Variants in CPLANE1 observed in about 807,000 individuals in gnomAD.
The protein encoded by CPLANE1 is ciliogenesis and planar polarity effector complex subunit 1.
A neutral mutation model predicts 362.5 loss-of-function variants in CPLANE1; 263 were observed. The observed-to-expected ratio is 0.73, with a 90% CI of 0.66 to 0.80. The LOEUF (loss-of-function observed/expected upper bound fraction) is 0.80. CPLANE1 is among the 30% of genes least tolerant of loss of function. CPLANE1 has a pLI of 0.00. For missense variants in CPLANE1, 3,461 were observed against 3,793.4 expected (o/e 0.91, Z 2.30); for synonymous variants, 1,212 against 1,302.6 (o/e 0.93, Z 1.50).
At chr5:37,248,947 C>A (rs1740780121) in intron 1 of CPLANE1, among the ~76,000 whole-genome samples, 1 of 152,198 alleles carries the variant, frequency 6.6e-6, no homozygotes, top group Non-Finnish European at 1.5e-5. Flanking sequence ...GGGTCCGGTG[C>A]CGAGGTGTGG....
At chr5:37,186,504 A>C (rs1233572888) in intron 23 of CPLANE1, 110 bp from the exon 24 acceptor site, 1 of 628,636 alleles carries the variant, frequency 1.6e-6, no homozygotes, top group East Asian at 2.8e-5. Context: ...TTTCTTACTA[A>C]TCTTTTGAAG....
chr5:37,222,716 G>C (rs995899387), intron 14 of CPLANE1, among the ~76,000 whole-genome samples: 1 of 151,690 alleles, frequency 6.6e-6, no homozygotes, highest in Non-Finnish European at 1.5e-5. Flanking sequence ...CAATCCCCAA[G>C]TCAGAGAACT....
intron 21 of CPLANE1, among the ~76,000 whole-genome samples, chr5:37,193,741 T>C (rs1412402232): frequency 6.6e-6 from 1 of 152,076 alleles, no homozygotes; most frequent in African/African-American, 2.4e-5. Flanking sequence ...TTTTTGTTTT[T>C]GTTTTTGTTT....
chr5:37,079,035 T>C, the CPLANE1 span, among the ~76,000 whole-genome samples: 1 of 152,238 alleles, frequency 6.6e-6, no homozygotes, highest in Non-Finnish European at 1.5e-5. Flanking sequence ...TCTTTTGCTG[T>C]GCAGAAGCTC....
chr5:37,112,854 T>A (rs1759749759), intron 51 of CPLANE1, among the ~76,000 whole-genome samples: 1 of 152,152 alleles, frequency 6.6e-6, no homozygotes, highest in African/African-American at 2.4e-5. Context: ...TACCTACAGC[T>A]TTCTATGGGC....
At chr5:37,189,475 G>A (rs1300958942) in intron 21 of CPLANE1, among the ~76,000 whole-genome samples, 2 of 152,154 alleles carry the variant, frequency 1.3e-5, no homozygotes. Flanking sequence ...CATCATTACT[G>A]ACAGATGTGT....
At chr5:37,241,430 G>A (rs909147834) in intron 6 of CPLANE1, among the ~76,000 whole-genome samples, 23 of 152,138 alleles carry the variant, frequency 1.5e-4, no homozygotes, top group Middle Eastern at 3.4e-3. Flanking sequence ...ACTCCAACCT[G>A]GGAGACAGAG....
intron 51 of CPLANE1, among the ~76,000 whole-genome samples, chr5:37,111,410 G>C (rs1011735865): frequency 1.3e-5 from 2 of 152,204 alleles, no homozygotes; most frequent in Non-Finnish European, 2.9e-5. Flanking sequence ...ACAGGCGTGA[G>C]CCACCGTGCC....
At chr5:37,232,102 G>A (rs1433270387) in intron 8 of CPLANE1, among the ~76,000 whole-genome samples, 2 of 152,134 alleles carry the variant, frequency 1.3e-5, no homozygotes, top group Non-Finnish European at 2.9e-5. Context: ...AGCTGTAAGA[G>A]GAAATTCTCC....
At chr5:37,167,312 A>G in intron 34 of CPLANE1, 99 bp from the exon 35 acceptor site, 1 of 906,212 alleles carries the variant, frequency 1.1e-6, no homozygotes. Flanking sequence ...TTTAAATTAA[A>G]CTGTGCAACA....
intron 15 of CPLANE1, among the ~76,000 whole-genome samples, chr5:37,220,091 A>G (rs1417098054): frequency 6.6e-6 from 1 of 152,118 alleles, no homozygotes; most frequent in African/African-American, 2.4e-5. Flanking sequence ...CATCTCTACA[A>G]AAAAAACAAA....
chr5:37,201,245 G>A (rs1025476734), intron 19 of CPLANE1, among the ~76,000 whole-genome samples: 1 of 151,936 alleles, frequency 6.6e-6, no homozygotes, highest in African/African-American at 2.4e-5. Context: ...TTAAAAGTCT[G>A]GATATTAAGA....
At chr5:37,123,466 AAAAAC>A (rs1355632242) in intron 47 of CPLANE1, among the ~76,000 whole-genome samples, 1 of 152,232 alleles carries the variant, frequency 6.6e-6, no homozygotes, top group Non-Finnish European at 1.5e-5. Flanking sequence ...ATAGAAGTTA[AAAAAC>A]AAAACAAAAA....
Position 37,168,844 on chromosome 5 carries a change from T to C in CPLANE1, c.7180A>G (p.Arg2394Gly), listed in dbSNP as rs1778997954. 1 of 1,613,636 alleles carries C rather than the reference T, an allele frequency of 6.2e-7. No homozygotes were observed. Among genetic ancestry groups the C allele is most frequent in the Admixed American group, 1.7e-5 (1 of 59,824 alleles). Reference sequence around the variant, plus strand: ...AGTAATGACAATCTTGGGTATTTTCTTTCTTCTGCTATAGGTTGGATAGGT... The same window carrying C: ...AGTAATGACAATCTTGGGTATTTTCCTTCTTCTGCTATAGGTTGGATAGGT... Reference protein sequence around the residue: ...STPIQPIAEERKYPRLSLLHS... With the variant: ...STPIQPIAEEGKYPRLSLLHS... Residue 2394 changes from arginine (R) to glycine (G), a missense_variant, in exon 34 of 53, where the codon AGA becomes GGA. Arg to Gly is a moderately radical substitution (Grantham distance 125). Coordinates refer to ENST00000651892, the MANE Select transcript of CPLANE1 (RefSeq NM_001384732.1).
At chr5:37,197,383 A>G (rs1186486849) in intron 20 of CPLANE1, among the ~76,000 whole-genome samples, 4 of 152,160 alleles carry the variant, frequency 2.6e-5, no homozygotes, top group Non-Finnish European at 5.9e-5. Context: ...TACTACCAGG[A>G]TGGTACTAAG....
At chr5:37,231,892 A>G (rs1797804096) in intron 8 of CPLANE1, among the ~76,000 whole-genome samples, 1 of 152,184 alleles carries the variant, frequency 6.6e-6, no homozygotes, top group Non-Finnish European at 1.5e-5. Flanking sequence ...TCCTCAGAAA[A>G]TGACAGACAC....
At chr5:37,101,262 T>C (rs954679332), downstream of CPLANE1, among the ~76,000 whole-genome samples, 10 of 152,194 alleles carry the variant, frequency 6.6e-5, no homozygotes, top group African/African-American at 2.2e-4. Context: ...ATGGCTCTTA[T>C]CATTTAGAGG....
chr5:37,147,725 C>T (rs1327298643), intron 43 of CPLANE1, among the ~76,000 whole-genome samples: 1 of 152,042 alleles, frequency 6.6e-6, no homozygotes, highest in Admixed American at 6.5e-5. Context: ...AAGGTAAAAA[C>T]AACTATTCTA....
intron 16 of CPLANE1, chr5:37,211,592 A>G (rs1792610873): frequency 1.1e-6 from 1 of 931,974 alleles, no homozygotes; most frequent in Non-Finnish European, 1.8e-6. Context: ...TTCCAAAAGC[A>G]AAAAGAAGCC....
Sources: gnomAD v4.1 joint callset for allele counts (sites outside exome capture counted in the v4.1 genomes callset) on GRCh38, gnomAD v4.1.1 for gene constraint, MANE v1.5 for transcripts, NCBI Gene and HGNC (gene_info 2026-07-23, HGNC 2026-07-21) for gene names.